The following TYK2 variants were observed in gnomAD, a reference collection of about 807,000 sequenced individuals.
The protein encoded by TYK2 is non-receptor tyrosine-protein kinase TYK2.
In TYK2, 65 loss-of-function variants were observed where a neutral mutation model predicts 130.9. The ratio of observed to expected loss-of-function variants is 0.50; its 90% CI spans 0.41 to 0.61. The LOEUF is 0.61. Ranked by LOEUF, TYK2 falls within the 20% of genes least tolerant of loss-of-function variation. The pLI is 0.00. For synonymous variants in TYK2, 647 were observed against 658.9 expected, an observed-to-expected ratio of 0.98 and a Z score of 0.28; for missense variants, 1,378 against 1,610.7, an observed-to-expected ratio of 0.86 and a Z score of 2.47.
chr19:10,366,445 G>A lies in TYK2; in HGVS notation c.601C>T (p.Pro201Ser), dbSNP rs1320075621. 1.2e-6 allele frequency: 2 copies of A among 1,614,050 alleles called. No homozygotes were observed. Among genetic ancestry groups the A allele is most frequent in the Non-Finnish European group, 1.7e-6 (2 of 1,179,972 alleles). ...GTCTTCTTGGCCACCTCCTCCAGGG[G>A]GATGCCATGGCGGAGAGCGAGGTGA... ...LCHLALRHGI[P>S]LEEVAKKTSF... is the part of the protein sequence containing the mutation. The change falls in exon 6 of 25, where the codon CCC becomes TCC. Residue 201 changes from proline to serine, a missense_variant. Coordinates refer to ENST00000525621, the MANE Select transcript of TYK2 (RefSeq NM_003331.5).
chr19:10,370,044 A>G (rs2041847792), intron 3 of TYK2, among the ~76,000 whole-genome samples: 1 of 151,506 alleles, frequency 6.6e-6, no homozygotes, highest in Non-Finnish European at 1.5e-5. Context: ...ACTCTGTCTC[A>G]AACAACACAA....
In TYK2 at chr19:10,364,552, G is replaced by C; in HGVS notation, c.1367+62C>G. 6.3e-7 allele frequency: 1 copy of C among 1,590,766 alleles called. No homozygotes were observed. Among genetic ancestry groups the C allele is most frequent in the Non-Finnish European group, 8.6e-7 (1 of 1,161,010 alleles). On this transcript the variant is annotated intron_variant, in intron 9 of 24. Coordinates refer to ENST00000525621, the MANE Select transcript of TYK2 (RefSeq NM_003331.5). This position sits in a 1 kb window ranked among gnomAD's most constrained non-coding sequence, Gnocchi z 4.9. ...ACACACACACCCTGCACAGCCCCTA[G>C]GGCTCACAGTCTAGTTGGCACCCTT...
intron 18 of TYK2, 94 bp downstream of exon 18, chr19:10,356,474 A>T (rs1301039497): frequency 6.5e-7 from 1 of 1,528,522 alleles, no homozygotes; most frequent in African/African-American, 1.4e-5. Flanking sequence ...ACCCTGAACC[A>T]CTGTGCAGAG....
At chr19:10,365,456 A>T in intron 7 of TYK2, 61 bp downstream of exon 7, 1 of 1,606,414 alleles carries the variant, frequency 6.2e-7, no homozygotes, top group Non-Finnish European at 8.5e-7. Context: ...GTCAAGGATG[A>T]ACACAGAAAC....
chr19:10,352,647 T>A, intron 22 of TYK2, 96 bp from the exon 23 acceptor site: 2 of 745,960 alleles, frequency 2.7e-6, no homozygotes, highest in Non-Finnish European at 4.6e-6. Flanking sequence ...AAGGACCCTC[T>A]GGGCTCAGTT....
intron 23 of TYK2, chr19:10,351,494 G>T (rs1599323886): frequency 6.0e-6 from 2 of 330,952 alleles, no homozygotes; most frequent in Admixed American, 4.3e-5. Context: ...TCTCAAAAAA[G>T]AAAAAGAAAT....
At chr19:10,359,401 G>A (rs1419968248) in intron 14 of TYK2, 99 bp from the exon 15 acceptor site, 3 of 1,460,700 alleles carry the variant, frequency 2.1e-6, no homozygotes, top group Non-Finnish European at 1.9e-6. Flanking sequence ...GCATGTGGCT[G>A]GGGAGGTGTC....
Position 10,362,109 on chromosome 19 carries a change from AAGCTG to A in TYK2, c.1737_1741del (p.Ser580ProfsTer4). 1 of 1,614,024 alleles carries A rather than the reference AAGCTG, an allele frequency of 6.2e-7. No homozygotes were observed. The highest frequency in any genetic ancestry group is 8.5e-7 in the Non-Finnish European group (1 of 1,179,998). ...GATCTCCTTCTGGTCAACCCGGTGGAAGCTGAGCTGGCTGAGGTTGAGTGTCCTGG... is the reference window on the plus strand; with the variant it reads ...GATCTCCTTCTGGTCAACCCGGTGGAAGCTGGCTGAGGTTGAGTGTCCTGG... On this transcript the variant is annotated frameshift_variant, in exon 12 of 25. Coordinates refer to ENST00000525621, the MANE Select transcript of TYK2 (RefSeq NM_003331.5). LOFTEE classifies it high-confidence loss of function.
At chr19:10,369,475 C>T (rs2041820124) in intron 3 of TYK2, among the ~76,000 whole-genome samples, 1 of 152,094 alleles carries the variant, frequency 6.6e-6, no homozygotes, top group South Asian at 2.1e-4. Context: ...CCTCCCACCT[C>T]AATCTCTGGA....
chr19:10,373,221 A>G (rs2041990774), intron 3 of TYK2, among the ~76,000 whole-genome samples: 1 of 151,424 alleles, frequency 6.6e-6, no homozygotes, highest in African/African-American at 2.4e-5. Flanking sequence ...TATTTTCAGT[A>G]GAGATGGGGT....
chr19:10,361,969 T>C lies in TYK2; in HGVS notation c.1774-14A>G. 6.2e-7 allele frequency: 1 copy of C among 1,613,888 alleles called. No individual in the cohort carries two copies. Among genetic ancestry groups the C allele is most frequent in the South Asian group, 1.1e-5 (1 of 91,084 alleles). ...CAAGTGGGACAGCTGCGGGATCATG[T>C]GGCACAGAATACCGCCATGGTGAAA... On this transcript the variant is annotated splice_polypyrimidine_tract_variant and intron_variant, in intron 12 of 24. Coordinates refer to ENST00000525621, the MANE Select transcript of TYK2 (RefSeq NM_003331.5). This position sits in a 1 kb window ranked among gnomAD's most constrained non-coding sequence, Gnocchi z 4.0.
intron 14 of TYK2, 119 bp from the exon 15 acceptor site, chr19:10,359,421 G>T: frequency 7.9e-7 from 1 of 1,258,896 alleles, no homozygotes; most frequent in Non-Finnish European, 1.1e-6. Flanking sequence ...CAGGGCAGAG[G>T]TGTGGGTGGA....
intron 23 of TYK2, among the ~76,000 whole-genome samples, chr19:10,351,879 A>T (rs2040821868): frequency 6.6e-6 from 1 of 151,774 alleles, no homozygotes; most frequent in African/African-American, 2.4e-5. Flanking sequence ...AGCTGGGATT[A>T]CAGGCACCTG....
intron 3 of TYK2, among the ~76,000 whole-genome samples, 147 bp downstream of exon 3, chr19:10,378,055 AGGGTGGATGGGT>A (rs1018176537): frequency 2.3e-5 from 1 of 42,584 alleles, no homozygotes; most frequent in African/African-American, 9.3e-5. Flanking sequence ...GGTGGTTGGG[AGGGTGGATGGGT>A]GGGTGGATGG....
chr19:10,361,728 T>C lies in TYK2; in HGVS notation c.1959+42A>G, dbSNP rs1394270899. 14 of 1,370,966 alleles carry C rather than the reference T, an allele frequency of 1.0e-5. No homozygotes were observed. The highest frequency in any genetic ancestry group is 4.2e-4 in the Middle Eastern group (2 of 4,774). The allele number at this position is 1,370,966 out of a possible 1,614,324, so 84.9% of individuals were successfully genotyped here. On this transcript the variant is annotated intron_variant, in intron 13 of 24. Transcript: ENST00000525621. The surrounding 1 kb of genome is among the most constrained non-coding windows in gnomAD (Gnocchi z 4.0). ...TCCCATCCCACCTCCTCCGGCCACC[T>C]CCTCCACAGACACACCCCCAGGCCT...
At chr19:10,368,719 C>T (rs116165226) in intron 3 of TYK2, 503 of 404,878 alleles carry the variant, frequency 1.2e-3, no homozygotes, top group African/African-American at 9.5e-3. Context: ...TTGCCACCTT[C>T]ACCACCCGAG....
chr19:10,370,409 G>A (rs939993493), intron 3 of TYK2, among the ~76,000 whole-genome samples: 3 of 151,616 alleles, frequency 2.0e-5, no homozygotes, highest in African/African-American at 7.3e-5. Flanking sequence ...AGCTACTCCG[G>A]AGGTTGACGC....
chr19:10,353,584 G>T lies in TYK2; in HGVS notation c.2971C>A (p.Pro991Thr). The change falls in exon 21 of 25, where the codon CCC becomes ACC. Residue 991 changes from proline (P) to threonine (T), a missense_variant. Coordinates refer to ENST00000525621, the MANE Select transcript of TYK2 (RefSeq NM_003331.5). The surrounding 1 kb of genome is among the most constrained non-coding windows in gnomAD (Gnocchi z 6.9). ...VPLGSLRDYL[P>T]RHSIGLAQLL... ...TGGGCCAGCCCGATGCTGTGCCGGG[G>T]CAGGTAGTCTCGGAGGCTGCCCAGG... The T allele has an allele frequency of 1.3e-6, 2 of 1,492,590 alleles. No individual in the cohort carries two copies. Among genetic ancestry groups the T allele is most frequent in the South Asian group, 1.4e-5 (1 of 72,142 alleles). The allele number at this position is 1,492,590 out of a possible 1,614,324, so 92.5% of individuals were successfully genotyped here.
intron 18 of TYK2, among the ~76,000 whole-genome samples, chr19:10,355,692 A>AGTG (rs1418926576): frequency 6.8e-6 from 1 of 147,984 alleles, no homozygotes; most frequent in Non-Finnish European, 1.5e-5. Flanking sequence ...GGTCAGGCGC[A>AGTG]GTGGCTCATG....
Sources: gnomAD v4.1 joint callset for allele counts (sites outside exome capture counted in the v4.1 genomes callset) on GRCh38, gnomAD v4.1.1 for gene constraint, Gnocchi (gnomAD v3.1) non-coding constraint, MANE v1.5 for transcripts, NCBI Gene and HGNC (gene_info 2026-07-23, HGNC 2026-07-21) for gene names.